Variants in CEP112 observed in about 807,000 individuals in gnomAD.
CEP112 encodes centrosomal protein of 112 kDa.
A neutral mutation model predicts 153.0 loss-of-function variants in CEP112; 127 were observed. The observed-to-expected ratio is 0.83, with a 90% CI of 0.72 to 0.96. The LOEUF (loss-of-function observed/expected upper bound fraction) is 0.96, where lower values mean the gene tolerates loss of function less well. Ranked by LOEUF, CEP112 falls within the 40% of genes least tolerant of loss-of-function variation. The probability of loss-of-function intolerance (pLI) is 0.00; values close to 1 mark genes in which losing one functional copy is unlikely to be tolerated. For synonymous variants in CEP112, 358 were observed against 374.4 expected, an observed-to-expected ratio of 0.96 and a Z score of 0.51; for missense variants, 1,089 against 1,101.2, an observed-to-expected ratio of 0.99 and a Z score of 0.16.
rs78216793 is a variant in CEP112, at chr17:65,916,932, A to C, written c.1980+10650T>G. Among the ~76,000 whole-genome samples the C allele has an allele frequency of 1.6e-3, 251 of 152,300 alleles. 7 individuals carry two copies. In the East Asian group the frequency reaches 0.045, roughly 27 times the overall value. On this transcript the variant is annotated intron_variant, in intron 19 of 26. Transcript: ENST00000535342. ...GAACAGCTCCAGGCCAAAAGAAAAA[A>C]AAAGAGGAAGAGAAGGCTCTTCAAT...
At chr17:65,918,611 A>T (rs552380714) in intron 19 of CEP112, among the ~76,000 whole-genome samples, 2 of 152,344 alleles carry the variant, frequency 1.3e-5, no homozygotes, top group African/African-American at 4.8e-5. Context: ...GGAGTTGCCA[A>T]AGAAATCTCT....
chr17:66,142,483 A>G (rs1368108664), intron 4 of CEP112, among the ~76,000 whole-genome samples: 1 of 152,134 alleles, frequency 6.6e-6, no homozygotes, highest in Admixed American at 6.6e-5. Context: ...ACAGTTTCAG[A>G]TCTTATGTTT....
chr17:66,162,252 T>C (rs1034663491), intron 4 of CEP112, among the ~76,000 whole-genome samples: 55 of 152,276 alleles, frequency 3.6e-4, no homozygotes, highest in African/African-American at 1.3e-3. Flanking sequence ...TCATTAGTCA[T>C]GAAGGAAAAT....
At chr17:65,886,999 C>T (rs2059303673) in intron 20 of CEP112, among the ~76,000 whole-genome samples, 1 of 152,086 alleles carries the variant, frequency 6.6e-6, no homozygotes. Flanking sequence ...ATATGCCCTT[C>T]TAAATAGTTC....
intron 20 of CEP112, among the ~76,000 whole-genome samples, chr17:65,890,873 G>A (rs1326128543): frequency 6.6e-6 from 1 of 152,158 alleles, no homozygotes; most frequent in African/African-American, 2.4e-5. Flanking sequence ...CTTCTGACCA[G>A]GGTTATTGTT....
intron 21 of CEP112, among the ~76,000 whole-genome samples, chr17:65,837,610 C>T (rs1033852864): frequency 1.3e-5 from 2 of 152,134 alleles, no homozygotes; most frequent in Non-Finnish European, 2.9e-5. Context: ...TCATTGAGAA[C>T]GGGCCATGAT....
At chr17:65,929,298 C>T (rs1195331896) in intron 18 of CEP112, among the ~76,000 whole-genome samples, 1 of 152,144 alleles carries the variant, frequency 6.6e-6, no homozygotes, top group African/African-American at 2.4e-5. Flanking sequence ...AATCCAATCC[C>T]AGTGACCTCT....
At chr17:65,819,380 T>A (rs2145983461) in intron 21 of CEP112, among the ~76,000 whole-genome samples, 1 of 152,034 alleles carries the variant, frequency 6.6e-6, no homozygotes, top group Middle Eastern at 3.4e-3. Flanking sequence ...ACCCTCAGCA[T>A]AACTTAAAGC....
At chr17:65,746,086 AC>A (rs1410209472) in intron 22 of CEP112, among the ~76,000 whole-genome samples, 1 of 141,270 alleles carries the variant, frequency 7.1e-6, no homozygotes, top group African/African-American at 2.7e-5. Flanking sequence ...AATCACTTGA[AC>A]CCGGGAGGCG....
At chr17:66,098,460 T>C (rs2068436319) in intron 6 of CEP112, among the ~76,000 whole-genome samples, 1 of 152,180 alleles carries the variant, frequency 6.6e-6, no homozygotes, top group African/African-American at 2.4e-5. Flanking sequence ...TTACGGTTAA[T>C]AACTCTTGAA....
chr17:65,963,080 A>T (rs576068969), intron 17 of CEP112, among the ~76,000 whole-genome samples: 3 of 152,180 alleles, frequency 2.0e-5, no homozygotes, highest in Non-Finnish European at 4.4e-5. Flanking sequence ...CTAGAGTAAC[A>T]ACAGGTCAAG....
intron 21 of CEP112, among the ~76,000 whole-genome samples, chr17:65,820,170 G>GA (rs2145990935): frequency 6.6e-6 from 1 of 152,094 alleles, no homozygotes; most frequent in African/African-American, 2.4e-5. Context: ...ATTACCGTCT[G>GA]ACATTCTTCC....
chr17:65,932,089 C>T (rs2061145313), intron 18 of CEP112, among the ~76,000 whole-genome samples: 1 of 152,196 alleles, frequency 6.6e-6, no homozygotes, highest in Non-Finnish European at 1.5e-5. Flanking sequence ...CTTGATTATG[C>T]AGCCTAGCCA....
Position 65,670,178 on chromosome 17 carries a change from GT to G in CEP112, c.2697+18950del, listed in dbSNP as rs200114619. On this transcript the variant is annotated intron_variant, in intron 24 of 26. Coordinates refer to ENST00000535342, the MANE Select transcript of CEP112 (RefSeq NM_001199165.4). ...TTTTTTTGTTTTTGTTGTTGTTGTT[GT>G]TTTTTTTTTAACTGATGCTTAAAAG... 5.6e-3 allele frequency among the ~76,000 whole-genome samples: 807 copies of G among 144,206 alleles called. 7 individuals are homozygous for G. The highest frequency in any genetic ancestry group is 0.019 in the African/African-American group (746 of 38,534). 94.6% of individuals were successfully genotyped at this position (144,206 alleles called of 152,430 possible).
In CEP112 at chr17:66,012,788, G is replaced by A. The variant is rs550156767; in HGVS notation, c.1657-7019C>T. Among the ~76,000 whole-genome samples, 13 of 152,288 alleles carry A rather than the reference G, an allele frequency of 8.5e-5. No individual in the cohort carries two copies. The South Asian group carries it at 1.0e-3, about 12-fold the overall frequency. On this transcript the variant is annotated intron_variant, in intron 16 of 26. Coordinates refer to ENST00000535342, the MANE Select transcript of CEP112 (RefSeq NM_001199165.4). ...TGTTGGTCTCTCTAGCAAGGTTGGG[G>A]AAATTTTTATGAATGATAACCCAAA...
At chr17:65,718,408 C>T (rs78813476) in intron 23 of CEP112, among the ~76,000 whole-genome samples, 136 of 95,098 alleles carry the variant, frequency 1.4e-3, no homozygotes, top group African/African-American at 5.2e-3. Context: ...AACTCCATCT[C>T]AAAAAAAAAA....
intron 12 of CEP112, among the ~76,000 whole-genome samples, chr17:66,039,389 C>T (rs1548979): frequency 0.93 from 141,030 of 152,014 alleles, 65,647 homozygotes; most frequent in East Asian, 0.97. Context: ...TATGGCAAAC[C>T]CCTATGGCAA....
chr17:65,705,744 GA>G (rs2048883952), intron 23 of CEP112, among the ~76,000 whole-genome samples: 1 of 152,098 alleles, frequency 6.6e-6, no homozygotes, highest in South Asian at 2.1e-4. Context: ...AAAGACATGA[GA>G]GCTGTAACAA....
chr17:65,684,761 C>G (rs1041440304), intron 24 of CEP112, among the ~76,000 whole-genome samples: 2 of 152,156 alleles, frequency 1.3e-5, no homozygotes, highest in Non-Finnish European at 2.9e-5. Flanking sequence ...TGGGAGTAAG[C>G]AGACCACTTA....
Sources: allele counts gnomAD v4.1 joint callset (sites outside exome capture counted in the v4.1 genomes callset), GRCh38; gene constraint gnomAD v4.1.1; transcripts MANE v1.5; gene names NCBI Gene and HGNC (gene_info 2026-07-23, HGNC 2026-07-21).